Variants in DDX3X observed in about 807,000 individuals in gnomAD.
DDX3X encodes the protein ATP-dependent RNA helicase DDX3X.
A neutral mutation model predicts 52.7 loss-of-function variants in DDX3X; 4 were observed. That is an observed-to-expected ratio of 0.08 (90% CI 0.04 to 0.17). DDX3X has a LOEUF of 0.17. Among genes scored for constraint, DDX3X ranks in the 10% least tolerant of loss-of-function variants. The probability of loss-of-function intolerance (pLI) is 1.00; values close to 1 mark genes in which losing one functional copy is unlikely to be tolerated. For missense variants in DDX3X, 222 were observed against 548.6 expected (o/e 0.40, Z 5.95); for synonymous variants, 192 against 178.1 (o/e 1.08, Z -0.62).
intron 5 of DDX3X, among the ~76,000 whole-genome samples, chrX:41,358,455 A>G (rs1236738120): frequency 9.0e-6 from 1 of 111,596 alleles, no homozygotes; most frequent in Non-Finnish European, 1.9e-5. Flanking sequence ...CCAAACTTGG[A>G]ATTTTCTACC....
In DDX3X at chrX:41,349,466, C is replaced by T. The variant is rs1054796685; in HGVS notation, c.*1747C>T. On this transcript the variant is annotated 3_prime_UTR_variant, in exon 17 of 17. Transcript: ENST00000644876. The stretch of plus-strand genomic sequence containing the variant: ...TGATAGTTGGGAAGAAAACTATTTG[C>T]ACACGACAGATTTCTAGATACTTTT... 8.9e-6 allele frequency: 1 copy of T among 111,800 alleles called. No homozygotes were observed. The highest frequency in any genetic ancestry group is 3.3e-5 in the African/African-American group (1 of 30,665). 9.2% of individuals were successfully genotyped at this position (111,800 alleles called of 1,213,427 possible).
chrX:41,341,374 T>C, intron 3 of DDX3X, 110 bp from the exon 4 acceptor site: 1 of 598,485 alleles, frequency 1.7e-6, no homozygotes, highest in Non-Finnish European at 2.5e-6. Flanking sequence ...TACAGTGCCA[T>C]GGTAGGGATA....
At chrX:41,363,250 C>T (rs56140124) in intron 5 of DDX3X, among the ~76,000 whole-genome samples, 11 of 109,891 alleles carry the variant, frequency 1.0e-4, no homozygotes, top group Non-Finnish European at 3.8e-5. Flanking sequence ...CATGGTGAAA[C>T]CTTGTCTCTA....
Position 41,343,713 on chromosome X carries a change from ATTTG to A in DDX3X, c.680-12_680-9del, listed in dbSNP as rs761917486. The A allele has an allele frequency of 1.5e-4, 172 of 1,176,563 alleles. No homozygotes were observed. Among genetic ancestry groups the A allele is most frequent in the African/African-American group, 1.2e-3 (67 of 56,616 alleles). On this transcript the variant is annotated intron_variant, in intron 7 of 16. Coordinates refer to ENST00000644876, the MANE Select transcript of DDX3X (RefSeq NM_001356.5). Reference sequence around the variant, plus strand: ...TGTCTGTTTAAAAGTAATGAGCAGGATTTGTTTGTTTGTTTTTGAACAGGGTCTG... The same window carrying A: ...TGTCTGTTTAAAAGTAATGAGCAGGATTTGTTTGTTTTTGAACAGGGTCTG...
chrX:41,334,189 C>A lies in DDX3X; in HGVS notation c.-64C>A, dbSNP rs1176481765. The A allele has an allele frequency of 1.8e-6, 2 of 1,119,591 alleles. No homozygotes were observed. Among genetic ancestry groups the A allele is most frequent in the African/African-American group, 1.8e-5 (1 of 55,767 alleles). 92.3% of individuals were successfully genotyped at this position (1,119,591 alleles called of 1,213,427 possible). ...AGCCGCAGTTCTCCCGTGAGAGGGC[C>A]TTCGCGGTGGAACAAACACTCGCTT... On this transcript the variant is annotated 5_prime_UTR_variant, in exon 1 of 17. Transcript: ENST00000644876.
At chrX:41,342,240 T>C (rs1399102103) in intron 4 of DDX3X, 2 of 306,724 alleles carry the variant, frequency 6.5e-6, no homozygotes, top group African/African-American at 5.4e-5. Context: ...AAAATCCTTA[T>C]TCTTAATTTT....
At chrX:41,333,839 C>A (rs1178496679), upstream of DDX3X, 1 of 143,524 alleles carries the variant, frequency 7.0e-6, no homozygotes, top group Non-Finnish European at 1.4e-5. Context: ...GGCGTCTTAG[C>A]CGGTGGAAAG....
chrX:41,336,931 T>G (rs1040770857), intron 1 of DDX3X, among the ~76,000 whole-genome samples: 5 of 112,090 alleles, frequency 4.5e-5, no homozygotes, highest in African/African-American at 1.6e-4. Flanking sequence ...AAATTTGTCC[T>G]GACATTTTTC....
At chrX:41,334,753 G>C (rs1013306294) in intron 1 of DDX3X, 5 of 967,727 alleles carry the variant, frequency 5.2e-6, no homozygotes, top group Non-Finnish European at 6.6e-6. Context: ...CGGTGTTTGC[G>C]TGCCTGCGAG....
At chrX:41,361,375 G>C (rs1449250066) in intron 5 of DDX3X, among the ~76,000 whole-genome samples, 1 of 109,662 alleles carries the variant, frequency 9.1e-6, no homozygotes, top group African/African-American at 3.3e-5. Context: ...AGCCGGGTGT[G>C]GTGGCTGGCA....
intron 1 of DDX3X, 197 bp downstream of exon 1, chrX:41,334,494 G>T: frequency 9.1e-7 from 1 of 1,096,420 alleles, no homozygotes; most frequent in Non-Finnish European, 1.2e-6. Context: ...GTCTCGGCCC[G>T]CTGTATTGTC....
Position 41,347,623 on chromosome X carries a change from T to C in DDX3X, c.1910-17T>C. On this transcript the variant is annotated splice_polypyrimidine_tract_variant and intron_variant, in intron 16 of 16. Transcript: ENST00000644876. The stretch of plus-strand genomic sequence containing the variant: ...ATAACTTCATTAATTTCTCTCTCTT[T>C]TTAAATCTCTCATTAGGTGGCTATG... 2.6e-6 allele frequency: 3 copies of C among 1,166,743 alleles called. No individual in the cohort carries two copies. Among genetic ancestry groups the C allele is most frequent in the Non-Finnish European group, 3.5e-6 (3 of 859,628 alleles).
intron 5 of DDX3X, among the ~76,000 whole-genome samples, chrX:41,360,821 GC>G (rs1243645524): frequency 9.1e-6 from 1 of 109,666 alleles, no homozygotes; most frequent in Non-Finnish European, 1.9e-5. Flanking sequence ...ATCTATTCAT[GC>G]ATCATCTATA....
chrX:41,349,891 T>G lies in DDX3X; in HGVS notation c.*2172T>G, dbSNP rs1260954973. On this transcript the variant is annotated 3_prime_UTR_variant, in exon 17 of 17. Transcript: ENST00000644876. ...AGATGTTTGTTGTGTGGATTTTGTT[T>G]AGTTGTGTGTTTTTTTTTTTTTTTC... 1 of 105,524 alleles carries G rather than the reference T, an allele frequency of 9.5e-6. No homozygotes were observed. Among genetic ancestry groups the G allele is most frequent in the Admixed American group, 1.0e-4 (1 of 9,609 alleles). 8.7% of individuals were successfully genotyped at this position (105,524 alleles called of 1,213,427 possible).
chrX:41,342,863 GAC>G (rs754021878), intron 6 of DDX3X, 27 bp downstream of exon 6: 2 of 1,106,181 alleles, frequency 1.8e-6, no homozygotes, highest in Non-Finnish European at 2.5e-6. Context: ...GACTTTTTAA[GAC>G]ACAGAGAGGT....
rs750762642 is a variant in DDX3X, at chrX:41,349,066, C to A, written c.*1347C>A. ...TTTGAATTCTGTGCTAATTTTGTGG[C>A]CAGAATGCGGTGATCAAAACGCTCC... On this transcript the variant is annotated 3_prime_UTR_variant, in exon 17 of 17. Coordinates refer to ENST00000644876, the MANE Select transcript of DDX3X (RefSeq NM_001356.5). 6.8e-4 allele frequency: 76 copies of A among 112,163 alleles called. No homozygotes were observed. The highest frequency in any genetic ancestry group is 2.4e-3 in the African/African-American group (75 of 30,878). The allele number at this position is 112,163 out of a possible 1,213,427, so 9.2% of individuals were successfully genotyped here.
intron 3 of DDX3X, chrX:41,340,517 T>A: frequency 9.6e-6 from 2 of 207,871 alleles, no homozygotes; most frequent in East Asian, 1.5e-4. Flanking sequence ...TTAAACCCTC[T>A]ACCTGTCTTT....
chrX:41,347,381 CAGCAGCAGCCGCGCA>C lies in DDX3X; in HGVS notation c.1852_1866del (p.Ala618_Arg622del), dbSNP rs942326584. 5.0e-6 allele frequency: 6 copies of C among 1,211,703 alleles called. No homozygotes were observed. The highest frequency in any genetic ancestry group is 1.7e-5 in the African/African-American group (1 of 57,839). ...GTAGCGGTGCCAGCAGTTCCAGCTT[CAGCAGCAGCCGCGCA>C]AGCAGCAGCCGCAGTGGCGGAGGTG... On this transcript the variant is annotated inframe_deletion, in exon 16 of 17. Coordinates refer to ENST00000644876, the MANE Select transcript of DDX3X (RefSeq NM_001356.5).
upstream of DDX3X, chrX:41,333,523 C>T (rs1452946544): frequency 3.7e-5 from 4 of 108,871 alleles, no homozygotes; most frequent in African/African-American, 1.0e-4. Context: ...TCCTGCTTCA[C>T]AAAATGGCCA....
Sources: gnomAD v4.1 joint callset for allele counts (sites outside exome capture counted in the v4.1 genomes callset) on GRCh38, gnomAD v4.1.1 for gene constraint, MANE v1.5 for transcripts, NCBI Gene and HGNC (gene_info 2026-07-23, HGNC 2026-07-21) for gene names.